Variants in MYO16 observed in about 807,000 individuals in gnomAD.
MYO16 encodes the protein myosin XVI.
In MYO16, 94 loss-of-function variants were observed where a neutral mutation model predicts 205.3. That is an observed-to-expected ratio of 0.46 (90% CI 0.39 to 0.54). The LOEUF (loss-of-function observed/expected upper bound fraction) is 0.54. Ranked by LOEUF, MYO16 falls within the 20% of genes least tolerant of loss-of-function variation. MYO16 has a pLI of 0.00. For synonymous variants in MYO16, 988 were observed against 954.0 expected (o/e 1.04, Z -0.66); for missense variants, 2,315 against 2,387.5 (o/e 0.97, Z 0.63).
chr13:108,840,097 TTTTA>T (rs1283335588), intron 9 of MYO16, among the ~76,000 whole-genome samples: 1 of 152,196 alleles, frequency 6.6e-6, no homozygotes, highest in Non-Finnish European at 1.5e-5. Flanking sequence ...AACATGGTAG[TTTTA>T]CTGACTTGAA....
intron 16 of MYO16, among the ~76,000 whole-genome samples, chr13:108,911,034 AACACACACACACAC>A (rs113296282): frequency 7.2e-6 from 1 of 138,448 alleles, no homozygotes; most frequent in Non-Finnish European, 1.5e-5. Flanking sequence ...TATAGGAGAA[AACACACACACACAC>A]ACACACACAC....
chr13:108,637,923 C>T (rs1045658406), intron 1 of MYO16, among the ~76,000 whole-genome samples: 19 of 151,964 alleles, frequency 1.3e-4, no homozygotes, highest in African/African-American at 4.6e-4. Context: ...AACAAGCAAG[C>T]TAACATTCCT....
In MYO16 at chr13:109,142,881, G is replaced by A. The variant is rs545954729; in HGVS notation, c.5164+1505G>A. Among the ~76,000 whole-genome samples, 15 of 152,182 alleles carry A rather than the reference G, an allele frequency of 9.9e-5. 1 individual carries two copies. The highest frequency in any genetic ancestry group is 3.4e-4 in the African/African-American group (14 of 41,466). On this transcript the variant is annotated intron_variant, in intron 32 of 34. Transcript: ENST00000457511. ...CACTGTGGAGTGTACTTTTGTTGTCGTTAAATCCCTGCTTTCATTCTTTCG... is the reference window on the plus strand; with the variant it reads ...CACTGTGGAGTGTACTTTTGTTGTCATTAAATCCCTGCTTTCATTCTTTCG...
chr13:108,546,696 T>C, the MYO16 span, among the ~76,000 whole-genome samples: 1 of 152,152 alleles, frequency 6.6e-6, no homozygotes, highest in Non-Finnish European at 1.5e-5. Flanking sequence ...CAGAATGCCA[T>C]GGTCCTCACT....
At chr13:108,961,496 T>C (rs764487815) in intron 17 of MYO16, 43 bp from the exon 18 acceptor site, 1 of 1,522,884 alleles carries the variant, frequency 6.6e-7, no homozygotes, top group East Asian at 2.3e-5. Context: ...TTAATCTTTC[T>C]TCTAAGCACC....
Position 108,812,543 on chromosome 13 carries a change from G to A in MYO16, c.867+5739G>A, listed in dbSNP as rs527928529. On this transcript the variant is annotated intron_variant, in intron 7 of 34. Coordinates refer to ENST00000457511, the MANE Select transcript of MYO16 (RefSeq NM_001198950.3). The stretch of plus-strand genomic sequence containing the variant: ...CATGAGAAACCCAGGCACATGCAAG[G>A]GCTTTGGTAGCACTGGAAATAATTT... Among the ~76,000 whole-genome samples, 4 of 152,210 alleles carry A rather than the reference G, an allele frequency of 2.6e-5. No homozygotes were observed. The South Asian group carries it at 6.2e-4, about 24-fold the overall frequency.
rs746328304 is a variant in MYO16 at position 109,179,606 on chromosome 13, A to G, written c.5388A>G (p.Gln1796=). Residue 1796 remains glutamine, a synonymous_variant, in exon 34 of 35, where the codon CAA becomes CAG. Transcript: ENST00000457511. ...GTGGCACAGGGACTTCGACATTTCA[A>G]AGACACAGGGACAGTCACACCACTC... ...SISGTGTSTF[Q]RHRDSHTTQV... 2 of 1,613,848 alleles carry G rather than the reference A, an allele frequency of 1.2e-6. No individual in the cohort carries two copies. Among genetic ancestry groups the G allele is most frequent in the Non-Finnish European group, 1.7e-6 (2 of 1,179,714 alleles).
chr13:108,748,351 C>A (rs149729), intron 4 of MYO16, among the ~76,000 whole-genome samples: 152,116 of 152,172 alleles, frequency 1, 76,030 homozygotes, highest in Middle Eastern at 1. Flanking sequence ...GATGCAGCAA[C>A]ATCAAAGCTT....
At chr13:108,880,201 A>G (rs1037442516) in intron 12 of MYO16, among the ~76,000 whole-genome samples, 3 of 151,928 alleles carry the variant, frequency 2.0e-5, no homozygotes, top group African/African-American at 7.3e-5. Flanking sequence ...CCACTTTTTG[A>G]TGGGGTTATT....
At chr13:108,829,261 T>C (rs1023517935) in intron 9 of MYO16, among the ~76,000 whole-genome samples, 7 of 152,210 alleles carry the variant, frequency 4.6e-5, no homozygotes, top group African/African-American at 1.7e-4. Flanking sequence ...ACTGAGTTAA[T>C]ATTTATAGAG....
chr13:108,951,820 C>T (rs549762658), intron 16 of MYO16, among the ~76,000 whole-genome samples: 78 of 152,234 alleles, frequency 5.1e-4, no homozygotes, highest in African/African-American at 1.8e-3. Context: ...ATACAACTAT[C>T]GGCCTGGCGT....
At chr13:108,637,372 C>T (rs1273049539) in intron 1 of MYO16, among the ~76,000 whole-genome samples, 1 of 152,186 alleles carries the variant, frequency 6.6e-6, no homozygotes, top group Non-Finnish European at 1.5e-5. Context: ...ATTCCTTATG[C>T]TTTCAATGGT....
chr13:108,997,602 G>A (rs1885072791), intron 21 of MYO16, among the ~76,000 whole-genome samples: 1 of 152,070 alleles, frequency 6.6e-6, no homozygotes, highest in South Asian at 2.1e-4. Flanking sequence ...ACATTGGGAG[G>A]TCAAGGCGGT....
At chr13:109,038,481 TACACTA>T (rs1260150871) in intron 23 of MYO16, among the ~76,000 whole-genome samples, 1 of 152,106 alleles carries the variant, frequency 6.6e-6, no homozygotes, top group African/African-American at 2.4e-5. Flanking sequence ...GACTGGAATC[TACACTA>T]TTGGCTCTCT....
At chr13:108,859,691 T>TACTTACTGCCAGCAGCCCC (rs1878362499) in intron 11 of MYO16, among the ~76,000 whole-genome samples, 1 of 152,170 alleles carries the variant, frequency 6.6e-6, no homozygotes, top group Non-Finnish European at 1.5e-5. Context: ...ATTCTCTGAA[T>TACTTACTGCCAGCAGCCCC]ACTTACTGCC....
chr13:109,080,050 G>T (rs1430692707), intron 27 of MYO16, among the ~76,000 whole-genome samples: 1 of 149,692 alleles, frequency 6.7e-6, no homozygotes, highest in Admixed American at 6.7e-5. Context: ...AAATTTTTGT[G>T]TTTTTAGTAG....
chr13:108,975,716 T>C (rs979554227), intron 20 of MYO16, among the ~76,000 whole-genome samples: 39 of 152,120 alleles, frequency 2.6e-4, no homozygotes, highest in Non-Finnish European at 4.4e-5. Flanking sequence ...TACACCCTCC[T>C]TTTTGAGGCA....
intron 31 of MYO16, among the ~76,000 whole-genome samples, chr13:109,130,224 T>C (rs1195495359): frequency 2.0e-5 from 3 of 152,166 alleles, no homozygotes; most frequent in Non-Finnish European, 4.4e-5. Context: ...GTTTCTTGGA[T>C]CCTAATTTTG....
upstream of MYO16, among the ~76,000 whole-genome samples, chr13:108,593,400 A>T (rs1204843347): frequency 6.6e-6 from 1 of 152,126 alleles, no homozygotes; most frequent in Non-Finnish European, 1.5e-5. Flanking sequence ...CAGTTCCCGG[A>T]GGGAGCTGCC....
Sources: allele counts gnomAD v4.1 joint callset (sites outside exome capture counted in the v4.1 genomes callset), GRCh38; gene constraint gnomAD v4.1.1; transcripts MANE v1.5; gene names NCBI Gene and HGNC (gene_info 2026-07-23, HGNC 2026-07-21).